The following TADA3 variants were observed in gnomAD, a reference collection of about 807,000 sequenced individuals.
TADA3 encodes transcriptional adapter 3.
TADA3 carries 25 observed loss-of-function variants against 43.2 expected under a neutral mutation model. The ratio of observed to expected loss-of-function variants is 0.58; its 90% CI spans 0.42 to 0.81. TADA3 has a LOEUF of 0.81. Among genes scored for constraint, TADA3 ranks in the 30% least tolerant of loss-of-function variants. TADA3 has a pLI of 0.00. For missense variants in TADA3, 441 were observed against 567.8 expected (o/e 0.78, Z 2.27); for synonymous variants, 235 against 225.5 (o/e 1.04, Z -0.38).
rs954696708 is a variant in TADA3, at chr3:9,780,059, G to A, written c.*298C>T. 2 of 299,546 alleles carry A rather than the reference G, an allele frequency of 6.7e-6. No individual in the cohort carries two copies. Among genetic ancestry groups the A allele is most frequent in the Non-Finnish European group, 6.2e-6 (1 of 162,510 alleles). 18.6% of individuals were successfully genotyped at this position (299,546 alleles called of 1,614,324 possible). On this transcript the variant is annotated 3_prime_UTR_variant, in exon 9 of 9. Coordinates refer to ENST00000301964, the MANE Select transcript of TADA3 (RefSeq NM_006354.5). ...GTCCTTGAAGGGGAGACAGGGGTAG[G>A]GGATTAGGGAGTGGGGGATGGTAAA...
Position 9,787,215 on chromosome 3 carries a change from G to C in TADA3, c.690C>G (p.Thr230=), listed in dbSNP as rs775339998. The change falls in exon 5 of 9, where the codon ACC becomes ACG. Residue 230 remains threonine, a synonymous_variant. Coordinates refer to ENST00000301964, the MANE Select transcript of TADA3 (RefSeq NM_006354.5). ...DKKKGLMGPL[T]ELDTKDVDAL... is the part of the protein sequence containing the mutation. ...GAGGCCTACCTTTAGTGTCCAGTTC[G>C]GTCAGTGGCCCCATGAGGCCTTTCT... The C allele has an allele frequency of 7.4e-6, 12 of 1,614,054 alleles. No individual in the cohort carries two copies. The highest frequency in any genetic ancestry group is 1.0e-5 in the Non-Finnish European group (12 of 1,180,042).
chr3:9,780,599 C>A, intron 8 of TADA3, 50 bp from the exon 9 acceptor site: 1 of 1,542,674 alleles, frequency 6.5e-7, no homozygotes, highest in Non-Finnish European at 8.7e-7. Flanking sequence ...CTCCAGAGAA[C>A]AACCCCTCCC....
chr3:9,787,224 C>A lies in TADA3; in HGVS notation c.681G>T (p.Gly227=), dbSNP rs150754899. ...AVADKKKGLM[G]PLTELDTKDV... ...CTTTAGTGTCCAGTTCGGTCAGTGG[C>A]CCCATGAGGCCTTTCTTCTTGTCAG... Residue 227 remains glycine (G), a synonymous_variant, in exon 5 of 9, where the codon GGG becomes GGT. Coordinates refer to ENST00000301964, the MANE Select transcript of TADA3 (RefSeq NM_006354.5). 85 of 1,614,056 alleles carry A rather than the reference C, an allele frequency of 5.3e-5. No individual in the cohort carries two copies. The highest frequency in any genetic ancestry group is 1.2e-4 in the Admixed American group (7 of 60,002).
chr3:9,789,082 C>T (rs776746630), intron 4 of TADA3, among the ~76,000 whole-genome samples: 7 of 152,014 alleles, frequency 4.6e-5, no homozygotes, highest in Non-Finnish European at 7.4e-5. Flanking sequence ...GCAATCTGCC[C>T]GCCCCGGCCT....
rs550260818 is a variant in TADA3 at position 9,780,438 on chromosome 3, C to T, written c.1218G>A (p.Arg406=). The T allele has an allele frequency of 1.2e-5, 20 of 1,612,956 alleles. No homozygotes were observed. The highest frequency in any genetic ancestry group is 1.5e-5 in the Non-Finnish European group (18 of 1,179,996). Residue 406 remains arginine (R), a synonymous_variant, in exon 9 of 9, where the codon CGG becomes CGA. Coordinates refer to ENST00000301964, the MANE Select transcript of TADA3 (RefSeq NM_006354.5). ...RKIMAARQKK[R]TPTKKEKDQA... ...GGTCCTTTTCTTTCTTGGTGGGAGT[C>T]CGCTTCTTCTGCCGGGCAGCCATGA...
chr3:9,787,169 C>G (rs1229879977), intron 5 of TADA3, 30 bp downstream of exon 5: 1 of 1,614,172 alleles, frequency 6.2e-7, no homozygotes. Flanking sequence ...AAGTCCTGAC[C>G]TGGGGTTGGC....
chr3:9,780,671 T>C, intron 8 of TADA3, 122 bp from the exon 9 acceptor site: 1 of 1,027,132 alleles, frequency 9.7e-7, no homozygotes, highest in Non-Finnish European at 1.4e-6. Context: ...TGTCATACAG[T>C]CGTGACCAAA....
chr3:9,780,110 G>T lies in TADA3; in HGVS notation c.*247C>A. ...GAGGGGAAGAGGAAGACCCAGAAAC[G>T]AAGTCCCCTCCAACCCCATCTCGGG... is the stretch of plus-strand genomic sequence containing the variant. On this transcript the variant is annotated 3_prime_UTR_variant, in exon 9 of 9. Coordinates refer to ENST00000301964, the MANE Select transcript of TADA3 (RefSeq NM_006354.5). The T allele has an allele frequency of 7.5e-6, 3 of 397,922 alleles. No homozygotes were observed. The highest frequency in any genetic ancestry group is 1.3e-5 in the Non-Finnish European group (3 of 222,962). 24.6% of individuals were successfully genotyped at this position (397,922 alleles called of 1,614,324 possible).
rs544966341 is a variant in TADA3 at position 9,786,487 on chromosome 3, C to G, written c.810+519G>C. ...GTGTGAGGGTGTGTCTAAGGTCAAC[C>G]AGCAGGTATAAAGACAGGGCCCCTG... On this transcript the variant is annotated intron_variant, in intron 6 of 8. Coordinates refer to ENST00000301964, the MANE Select transcript of TADA3 (RefSeq NM_006354.5). Among the ~76,000 whole-genome samples, 45 of 151,940 alleles carry G rather than the reference C, an allele frequency of 3.0e-4. 2 individuals are homozygous for G. The highest frequency in any genetic ancestry group is 1.1e-3 in the African/African-American group (44 of 41,440).
chr3:9,785,890 G>A (rs293784), intron 6 of TADA3, among the ~76,000 whole-genome samples: 27,013 of 151,940 alleles, frequency 0.18, 2,719 homozygotes, highest in African/African-American at 0.25. Flanking sequence ...AAGAGCCATA[G>A]CTAGGCATGG....
intron 8 of TADA3, among the ~76,000 whole-genome samples, chr3:9,782,888 C>T (rs2078512747): frequency 6.6e-6 from 1 of 151,952 alleles, no homozygotes; most frequent in Non-Finnish European, 1.5e-5. Flanking sequence ...AGCAAAGAGA[C>T]TTGTTCGGGT....
chr3:9,792,680 G>A (rs2078768599), upstream of TADA3: 2 of 1,233,366 alleles, frequency 1.6e-6, no homozygotes, highest in Admixed American at 4.2e-5. Flanking sequence ...GCTGCAGTTA[G>A]CCCCGCCGAG....
intron 7 of TADA3, among the ~76,000 whole-genome samples, chr3:9,784,694 GTC>G (rs1026436130): frequency 6.6e-6 from 1 of 151,712 alleles, no homozygotes; most frequent in Non-Finnish European, 1.5e-5. Context: ...GTGAAACCCC[GTC>G]TCTACTAAAA....
chr3:9,785,969 C>G (rs768071997), intron 6 of TADA3, among the ~76,000 whole-genome samples: 5 of 151,586 alleles, frequency 3.3e-5, no homozygotes, highest in Admixed American at 1.3e-4. Context: ...TGGAGTCTCA[C>G]TTTGTCACCC....
intron 2 of TADA3, among the ~76,000 whole-genome samples, chr3:9,790,890 C>G (rs1394157619): frequency 1.3e-5 from 2 of 152,274 alleles, no homozygotes; most frequent in East Asian, 3.9e-4. Context: ...ATTCCAGTTC[C>G]CTAGGACTGC....
rs372966021 is a variant in TADA3, at chr3:9,785,473, T to A, written c.811-48A>T. The A allele has an allele frequency of 3.8e-6, 5 of 1,313,320 alleles. No individual in the cohort carries two copies. The African/African-American group carries it at 7.2e-5, about 19-fold the overall frequency. The allele number at this position is 1,313,320 out of a possible 1,614,324, so 81.4% of individuals were successfully genotyped here. On this transcript the variant is annotated intron_variant, in intron 6 of 8. Transcript: ENST00000301964. ...GGAAGGAAAAATAGCTGTTCCACTT[T>A]CCTGCTCCTTTCTGACCTACACTGA... is the stretch of plus-strand genomic sequence containing the variant.
chr3:9,787,125 A>G lies in TADA3; in HGVS notation c.707-16T>C, dbSNP rs1459595520. 1.9e-6 allele frequency: 3 copies of G among 1,614,024 alleles called. No homozygotes were observed. Among genetic ancestry groups the G allele is most frequent in the East Asian group, 2.2e-5 (1 of 44,894 alleles). ...GCATCCACATCTAAGCGGGCACAGG[A>G]AAGGAGGGGAGGTGGGCTGAAGTTC... On this transcript the variant is annotated splice_polypyrimidine_tract_variant and intron_variant, in intron 5 of 8. Coordinates refer to ENST00000301964, the MANE Select transcript of TADA3 (RefSeq NM_006354.5).
Position 9,787,223 on chromosome 3 carries a change from G to A in TADA3, c.682C>T (p.Pro228Ser). 1 of 1,614,168 alleles carries A rather than the reference G, an allele frequency of 6.2e-7. No homozygotes were observed. Among genetic ancestry groups the A allele is most frequent in the Non-Finnish European group, 8.5e-7 (1 of 1,180,034 alleles). ...VADKKKGLMG[P>S]LTELDTKDVD... ...CCTTTAGTGTCCAGTTCGGTCAGTG[G>A]CCCCATGAGGCCTTTCTTCTTGTCA... is the stretch of plus-strand genomic sequence containing the variant. Residue 228 changes from proline to serine, a missense_variant, in exon 5 of 9, where the codon CCA becomes TCA. Transcript: ENST00000301964.
rs1203864504 is a variant in TADA3 at position 9,785,306 on chromosome 3, C to T, written c.920+10G>A. The stretch of plus-strand genomic sequence containing the variant: ...GCCAGACTGTGGGTTGTGGATAGGA[C>T]ACCACTCACCTGAAGGGCTTGTTCT... On this transcript the variant is annotated intron_variant, in intron 7 of 8. Coordinates refer to ENST00000301964, the MANE Select transcript of TADA3 (RefSeq NM_006354.5). 2 of 1,606,774 alleles carry T rather than the reference C, an allele frequency of 1.2e-6. No individual in the cohort carries two copies. The highest frequency in any genetic ancestry group is 1.7e-6 in the Non-Finnish European group (2 of 1,174,252).
Sources: gnomAD v4.1 joint callset for allele counts (sites outside exome capture counted in the v4.1 genomes callset) on GRCh38, gnomAD v4.1.1 for gene constraint, MANE v1.5 for transcripts, NCBI Gene and HGNC (gene_info 2026-07-23, HGNC 2026-07-21) for gene names.